Variants in CNTN1 observed in about 807,000 individuals in gnomAD.
The protein encoded by CNTN1 is contactin-1.
A neutral mutation model predicts 126.4 loss-of-function variants in CNTN1; 38 were observed. The ratio of observed to expected loss-of-function variants is 0.30; its 90% CI spans 0.23 to 0.39. The LOEUF is 0.39. CNTN1 is among the 10% of genes least tolerant of loss of function. The pLI is 1.00. For missense variants in CNTN1, 1,009 were observed against 1,248.4 expected (o/e 0.81, Z 2.89); for synonymous variants, 413 against 422.6 (o/e 0.98, Z 0.28).
At chr12:40,793,036 A>T (rs1484244661) in intron 1 of CNTN1, among the ~76,000 whole-genome samples, 1 of 152,020 alleles carries the variant, frequency 6.6e-6, no homozygotes. Flanking sequence ...AGCCTCATCT[A>T]AAAAAGATTA....
intron 1 of CNTN1, among the ~76,000 whole-genome samples, chr12:40,843,124 T>C (rs1226842649): frequency 2.0e-5 from 3 of 152,152 alleles, no homozygotes; most frequent in Non-Finnish European, 2.9e-5. Context: ...CCTTTATGCC[T>C]TAGAAAACAT....
chr12:40,791,997 T>C (rs1285972727), intron 1 of CNTN1, among the ~76,000 whole-genome samples: 1 of 152,144 alleles, frequency 6.6e-6, no homozygotes, highest in African/African-American at 2.4e-5. Context: ...TGTTGTTCTA[T>C]TTATCAAATA....
At chr12:40,954,823 C>T (rs1946815078) in intron 14 of CNTN1, among the ~76,000 whole-genome samples, 3 of 152,084 alleles carry the variant, frequency 2.0e-5, no homozygotes, top group Admixed American at 2.0e-4. Context: ...TCTCCCCGTG[C>T]AGTTAAAATG....
chr12:40,753,051 T>C (rs1273782427), intron 1 of CNTN1, among the ~76,000 whole-genome samples: 3 of 152,126 alleles, frequency 2.0e-5, no homozygotes, highest in Non-Finnish European at 4.4e-5. Flanking sequence ...TAGTGGTAGT[T>C]ATGGTGAGGA....
At chr12:40,793,977 A>G (rs562106705) in intron 1 of CNTN1, among the ~76,000 whole-genome samples, 75 of 151,886 alleles carry the variant, frequency 4.9e-4, no homozygotes, top group Admixed American at 1.2e-3. Flanking sequence ...GGGGGAACTC[A>G]TTTGCATAAA....
intron 1 of CNTN1, among the ~76,000 whole-genome samples, chr12:40,763,850 A>T (rs1328443151): frequency 6.6e-6 from 1 of 152,206 alleles, no homozygotes; most frequent in Non-Finnish European, 1.5e-5. Flanking sequence ...CAATGGTCTG[A>T]ACATTTCCTG....
At chr12:40,945,631 A>G (rs1946407709) in intron 14 of CNTN1, among the ~76,000 whole-genome samples, 1 of 151,844 alleles carries the variant, frequency 6.6e-6, no homozygotes, top group Non-Finnish European at 1.5e-5. Context: ...TACTAATTAC[A>G]TTGTGCTGGT....
In CNTN1 at chr12:40,772,341, G is replaced by T. The variant is rs984693459; in HGVS notation, c.-77+79749G>T. ...GCTCATTTGTTTGTCATCACATATT[G>T]TGTCTTATCACAATGTAATAGATGA... is the stretch of plus-strand genomic sequence containing the variant. On this transcript the variant is annotated intron_variant, in intron 1 of 23. Transcript: ENST00000551295. Among the ~76,000 whole-genome samples, 5 of 151,926 alleles carry T rather than the reference G, an allele frequency of 3.3e-5. No homozygotes were observed. In the South Asian group the frequency reaches 8.3e-4, roughly 25 times the overall value.
chr12:40,746,893 T>G (rs1938207616), intron 1 of CNTN1, among the ~76,000 whole-genome samples: 1 of 152,000 alleles, frequency 6.6e-6, no homozygotes, highest in African/African-American at 2.4e-5. Context: ...CAGGTTCAGG[T>G]GTTTTTATCT....
At chr12:41,053,468 T>TATATATATATATATATATA (rs60201950) in intron 23 of CNTN1, among the ~76,000 whole-genome samples, 51 of 130,828 alleles carry the variant, frequency 3.9e-4, no homozygotes, top group African/African-American at 4.9e-4. Context: ...TATATATATA[T>TATATATATATATATATATA]TTGCCAATAA....
At chr12:41,065,695 A>T (rs1950036625) in intron 23 of CNTN1, among the ~76,000 whole-genome samples, 1 of 152,134 alleles carries the variant, frequency 6.6e-6, no homozygotes, top group South Asian at 2.1e-4. Context: ...GGGTATTCCC[A>T]CTAATAGGTG....
chr12:40,843,695 A>T (rs1016835940), intron 1 of CNTN1, among the ~76,000 whole-genome samples: 4 of 152,228 alleles, frequency 2.6e-5, no homozygotes, highest in African/African-American at 9.6e-5. Context: ...GGCAAATTAT[A>T]TAATACAAAT....
At chr12:40,904,382 T>C (rs148807652) in intron 1 of CNTN1, among the ~76,000 whole-genome samples, 2,835 of 111,982 alleles carry the variant, frequency 0.025, 97 homozygotes, top group African/African-American at 0.092. Flanking sequence ...TCCTTCCTTC[T>C]TTCCTTCCTT....
intron 1 of CNTN1, among the ~76,000 whole-genome samples, chr12:40,766,669 A>G (rs1939111256): frequency 6.6e-6 from 1 of 152,212 alleles, no homozygotes; most frequent in Non-Finnish European, 1.5e-5. Flanking sequence ...AATATATTAG[A>G]GTGTGATACA....
At chr12:40,974,952 G>A (rs1947630095) in intron 15 of CNTN1, among the ~76,000 whole-genome samples, 1 of 152,014 alleles carries the variant, frequency 6.6e-6, no homozygotes, top group East Asian at 1.9e-4. Context: ...AGTCCAAAGA[G>A]AACAATAGTG....
intron 1 of CNTN1, among the ~76,000 whole-genome samples, chr12:40,782,386 T>A (rs1565728206): frequency 6.6e-6 from 1 of 151,944 alleles, no homozygotes; most frequent in Non-Finnish European, 1.5e-5. Flanking sequence ...AAACCTTATA[T>A]AATAGTCAAA....
At chr12:41,032,447 A>G (rs963019717) in intron 23 of CNTN1, among the ~76,000 whole-genome samples, 15 of 152,042 alleles carry the variant, frequency 9.9e-5, no homozygotes, top group African/African-American at 2.6e-4. Flanking sequence ...ACTGTGGCCT[A>G]TAGTGGTCTA....
chr12:41,059,731 A>C (rs1949899183), intron 23 of CNTN1, among the ~76,000 whole-genome samples: 1 of 152,090 alleles, frequency 6.6e-6, no homozygotes, highest in East Asian at 1.9e-4. Context: ...GAATTAAAAA[A>C]TCCATTGAAC....
At chr12:40,866,671 G>T (rs1943309700) in intron 1 of CNTN1, among the ~76,000 whole-genome samples, 1 of 152,080 alleles carries the variant, frequency 6.6e-6, no homozygotes, top group Admixed American at 6.6e-5. Flanking sequence ...ACTTGGCTAT[G>T]ATGTATAATC....
Sources: gnomAD v4.1 joint callset for allele counts (sites outside exome capture counted in the v4.1 genomes callset) on GRCh38, gnomAD v4.1.1 for gene constraint, MANE v1.5 for transcripts, NCBI Gene and HGNC (gene_info 2026-07-23, HGNC 2026-07-21) for gene names.